Variants in PATJ observed in about 807,000 individuals in gnomAD.
The protein encoded by PATJ is inaD-like protein.
In PATJ, 190 loss-of-function variants were observed where a neutral mutation model predicts 224.9. The observed-to-expected ratio is 0.84, with a 90% CI of 0.75 to 0.95. The LOEUF (loss-of-function observed/expected upper bound fraction) is 0.95, where lower values mean the gene tolerates loss of function less well. PATJ is among the 40% of genes least tolerant of loss of function. The pLI is 0.00. For synonymous variants in PATJ, 769 were observed against 820.3 expected, an observed-to-expected ratio of 0.94 and a Z score of 1.07; for missense variants, 2,121 against 2,270.3, an observed-to-expected ratio of 0.93 and a Z score of 1.34.
intron 26 of PATJ, among the ~76,000 whole-genome samples, chr1:61,919,318 C>T (rs1169744773): frequency 2.7e-5 from 4 of 146,748 alleles, no homozygotes; most frequent in Non-Finnish European, 4.5e-5. Context: ...CTTTCTTTTT[C>T]TTTTTTTTTT....
intron 41 of PATJ, among the ~76,000 whole-genome samples, chr1:62,131,650 A>G (rs1203515983): frequency 2.7e-5 from 4 of 150,630 alleles, no homozygotes; most frequent in Non-Finnish European, 4.4e-5. Flanking sequence ...CTCCGTCTCA[A>G]AAAAAAAAGG....
intron 29 of PATJ, among the ~76,000 whole-genome samples, chr1:62,027,363 C>T (rs1307367389): frequency 6.6e-6 from 1 of 152,190 alleles, no homozygotes; most frequent in Non-Finnish European, 1.5e-5. Context: ...TCCACGCATC[C>T]ATTGATAGGT....
chr1:61,744,042 A>C, intron 1 of PATJ, among the ~76,000 whole-genome samples: 1 of 152,170 alleles, frequency 6.6e-6, no homozygotes, highest in South Asian at 2.1e-4. Context: ...CAGGCCTGGC[A>C]ACCTGCCTCA....
intron 22 of PATJ, among the ~76,000 whole-genome samples, chr1:61,894,750 A>G (rs939601957): frequency 9.2e-5 from 14 of 152,230 alleles, no homozygotes; most frequent in Admixed American, 6.5e-4. Flanking sequence ...GAGTACTGCT[A>G]TAAAGATAAC....
intron 9 of PATJ, among the ~76,000 whole-genome samples, chr1:61,794,331 G>A (rs1477281856): frequency 6.6e-6 from 1 of 151,256 alleles, no homozygotes; most frequent in Non-Finnish European, 1.5e-5. Context: ...TTTTTTGTGA[G>A]ATGACATCCC....
intron 42 of PATJ, 134 bp from the exon 43 acceptor site, chr1:62,153,222 TGA>T (rs992939400): frequency 1.5e-5 from 8 of 535,144 alleles, no homozygotes; most frequent in African/African-American, 1.2e-4. Flanking sequence ...GATTGCTTTC[TGA>T]GAGTTTGATC....
At chr1:61,919,520 A>T (rs948908229) in intron 26 of PATJ, among the ~76,000 whole-genome samples, 3 of 151,880 alleles carry the variant, frequency 2.0e-5, no homozygotes, top group South Asian at 2.1e-4. Context: ...GCGCAGGCTG[A>T]TCTCAAACTT....
chr1:61,997,409 G>T (rs930815452), intron 28 of PATJ, among the ~76,000 whole-genome samples: 2 of 152,122 alleles, frequency 1.3e-5, no homozygotes, highest in Non-Finnish European at 2.9e-5. Context: ...TCATTACAGC[G>T]TTGTAACCAA....
intron 33 of PATJ, among the ~76,000 whole-genome samples, chr1:62,089,158 T>C (rs2148782048): frequency 6.6e-6 from 1 of 151,972 alleles, no homozygotes; most frequent in South Asian, 2.1e-4. Context: ...GCTGAATGAG[T>C]TGTGGTTTTG....
chr1:62,054,953 G>A (rs1166007675), intron 31 of PATJ, among the ~76,000 whole-genome samples: 9 of 152,090 alleles, frequency 5.9e-5, no homozygotes, highest in Non-Finnish European at 1.3e-4. Context: ...TACTTGGGAG[G>A]CTGAGGCAGG....
At chr1:61,772,106 G>GTT (rs753366748) in intron 6 of PATJ, among the ~76,000 whole-genome samples, 8,390 of 115,208 alleles carry the variant, frequency 0.073, 538 homozygotes, top group East Asian at 0.19. Flanking sequence ...CATGACGGTC[G>GTT]TTTTTTTTTT....
At chr1:62,143,730 G>A (rs1263110166) in intron 41 of PATJ, among the ~76,000 whole-genome samples, 1 of 152,116 alleles carries the variant, frequency 6.6e-6, no homozygotes, top group Non-Finnish European at 1.5e-5. Context: ...GATTACAGGC[G>A]TGAGCCACCA....
intron 42 of PATJ, 36 bp downstream of exon 42, chr1:62,148,426 G>A (rs750226430): frequency 6.9e-7 from 1 of 1,457,076 alleles, no homozygotes; most frequent in South Asian, 1.1e-5. Flanking sequence ...TATTATGCAT[G>A]TGGGCAAAGC....
At chr1:61,840,468 A>G (rs139580595) in intron 17 of PATJ, among the ~76,000 whole-genome samples, 23 of 152,082 alleles carry the variant, frequency 1.5e-4, no homozygotes, top group African/African-American at 4.6e-4. Context: ...TTATATATAC[A>G]TGGTTATATA....
chr1:61,871,276 A>T (rs1015531017), intron 20 of PATJ, among the ~76,000 whole-genome samples: 14 of 147,166 alleles, frequency 9.5e-5, no homozygotes, highest in Admixed American at 4.8e-4. Flanking sequence ...CAATGGTGCA[A>T]TCTTGGCTCA....
intron 41 of PATJ, among the ~76,000 whole-genome samples, chr1:62,147,597 AAG>A (rs1478916570): frequency 2.0e-5 from 3 of 152,124 alleles, no homozygotes; most frequent in Middle Eastern, 6.8e-3. Flanking sequence ...TCAGGAGTTC[AAG>A]ACCAGCCTGG....
At chr1:61,862,534 A>G (rs1236291569) in intron 19 of PATJ, among the ~76,000 whole-genome samples, 1 of 152,064 alleles carries the variant, frequency 6.6e-6, no homozygotes, top group African/African-American at 2.4e-5. Context: ...TCCATATCAC[A>G]TTGCCTCTCT....
At position 61,827,455 on chromosome 1, in the gene PATJ, C is replaced by T. The variant is rs774855207; in HGVS notation, c.1852C>T (p.Arg618Ter). The change falls in exon 16 of 44, where the codon CGA (arginine) becomes TGA (stop). Residue 618 changes from arginine (R) to a stop codon, truncating the protein, a stop_gained. Transcript: ENST00000642238. LOFTEE classifies it high-confidence loss of function. ...CATGCAGCTTTATGGAAAATCTCGCCGAGAAGCAGTCTCCTTTCTTAAAGA... is the reference window on the plus strand; with the variant it reads ...CATGCAGCTTTATGGAAAATCTCGCTGAGAAGCAGTCTCCTTTCTTAAAGA... ...NGMQLYGKSR[R>*]EAVSFLKEVP... 8.1e-6 allele frequency: 13 copies of T among 1,613,758 alleles called. No homozygotes were observed. Among genetic ancestry groups the T allele is most frequent in the East Asian group, 6.7e-5 (3 of 44,868 alleles).
intron 27 of PATJ, among the ~76,000 whole-genome samples, chr1:61,933,138 G>T (rs1166633974): frequency 6.6e-6 from 1 of 152,126 alleles, no homozygotes; most frequent in African/African-American, 2.4e-5. Context: ...AAGAAACAAT[G>T]TACTGCATCA....
Sources: gnomAD v4.1 joint callset for allele counts (sites outside exome capture counted in the v4.1 genomes callset) on GRCh38, gnomAD v4.1.1 for gene constraint, MANE v1.5 for transcripts, NCBI Gene and HGNC (gene_info 2026-07-23, HGNC 2026-07-21) for gene names.